Variants in TNFRSF11A observed in about 807,000 individuals in gnomAD.
TNFRSF11A encodes the protein TNF receptor superfamily member 11a, also known as tumor necrosis factor receptor superfamily member 11A.
Under a neutral mutation model 55.7 loss-of-function variants are expected in TNFRSF11A, and 32 were observed. That is an observed-to-expected ratio of 0.57 (90% CI 0.43 to 0.77). The LOEUF is 0.77. Ranked by LOEUF, TNFRSF11A falls within the 30% of genes least tolerant of loss-of-function variation. The pLI, the probability that TNFRSF11A is intolerant of heterozygous loss-of-function variation, is 0.00. For synonymous variants in TNFRSF11A, 311 were observed against 331.0 expected (o/e 0.94, Z 0.65); for missense variants, 753 against 809.8 (o/e 0.93, Z 0.85).
At chr18:62,366,064 T>A (rs956644040) in intron 7 of TNFRSF11A, among the ~76,000 whole-genome samples, 1 of 152,178 alleles carries the variant, frequency 6.6e-6, no homozygotes, top group African/African-American at 2.4e-5. Flanking sequence ...GTGATCCACC[T>A]GCCTTGGCCT....
chr18:62,342,808 A>T, intron 1 of TNFRSF11A, among the ~76,000 whole-genome samples: 1 of 152,254 alleles, frequency 6.6e-6, no homozygotes, highest in East Asian at 1.9e-4. Flanking sequence ...GAGAAAAAAG[A>T]CATTCAAAGA....
rs774147578 is a variant in TNFRSF11A, at chr18:62,361,670, T to G, written c.617-10T>G. 1 of 1,609,212 alleles carries G rather than the reference T, an allele frequency of 6.2e-7. No homozygotes were observed. Among genetic ancestry groups the G allele is most frequent in the South Asian group, 1.1e-5 (1 of 90,978 alleles). On this transcript the variant is annotated splice_polypyrimidine_tract_variant and intron_variant, in intron 6 of 9. Coordinates refer to ENST00000586569, the MANE Select transcript of TNFRSF11A (RefSeq NM_003839.4). ...TTTACTACCATATTTCTCATTTTCT[T>G]CCAATACAGAACCCCATGTTTACTT...
At chr18:62,338,255 C>T (rs941830446) in intron 1 of TNFRSF11A, among the ~76,000 whole-genome samples, 2 of 152,166 alleles carry the variant, frequency 1.3e-5, no homozygotes, top group Admixed American at 6.5e-5. Context: ...GCCACCCCTG[C>T]GGAAAACAGT....
intron 1 of TNFRSF11A, among the ~76,000 whole-genome samples, chr18:62,345,059 G>A (rs933293838): frequency 6.6e-6 from 1 of 152,242 alleles, no homozygotes; most frequent in African/African-American, 2.4e-5. Context: ...AGACAGGCTG[G>A]AGTGACAGAA....
At chr18:62,356,048 G>T (rs1318233452) in intron 4 of TNFRSF11A, among the ~76,000 whole-genome samples, 2 of 152,186 alleles carry the variant, frequency 1.3e-5, no homozygotes, top group Non-Finnish European at 2.9e-5. Context: ...TGAAAGTAAA[G>T]GAATAGAAAT....
Position 62,390,629 on chromosome 18 carries a change from T to C in TNFRSF11A, c.*5595T>C, listed in dbSNP as rs992510660. 3 of 152,226 alleles carry C rather than the reference T, an allele frequency of 2.0e-5. No homozygotes were observed. The highest frequency in any genetic ancestry group is 2.9e-5 in the Non-Finnish European group (2 of 68,036). 9.4% of individuals were successfully genotyped at this position (152,226 alleles called of 1,614,324 possible). A position where few individuals can be genotyped will look rare whatever the true frequency, so the allele number is the denominator to read the frequency against. ...CAAAGGCTGTATAGACTTTAAGTCG[T>C]GAGAAAAACGACATTCTTATGGTGA... On this transcript the variant is annotated 3_prime_UTR_variant, in exon 10 of 10. Transcript: ENST00000586569.
At position 62,358,267 on chromosome 18, in the gene TNFRSF11A, A is replaced by G. The variant is rs376113816; in HGVS notation, c.447A>G (p.Thr149=). The G allele has an allele frequency of 8.0e-5, 128 of 1,609,914 alleles. No homozygotes were observed. Among genetic ancestry groups the G allele is most frequent in the Non-Finnish European group, 9.3e-5 (110 of 1,179,012 alleles). The change falls in exon 5 of 10, where the codon ACA becomes ACG. Residue 149 remains threonine (T), a synonymous_variant. Transcript: ENST00000586569. ...TCACAGTGCAGCTCAACAAGGACAC[A>G]GTGTGCAAACCTTGCCTTGCAGGCT... ...AQHPLQLNKD[T]VCKPCLAGYF... is the part of the protein sequence containing the mutation.
At chr18:62,346,401 AG>A (rs2046384903) in intron 1 of TNFRSF11A, among the ~76,000 whole-genome samples, 1 of 152,224 alleles carries the variant, frequency 6.6e-6, no homozygotes, top group Non-Finnish European at 1.5e-5. Flanking sequence ...TCTAAAACAG[AG>A]AAAAGCATCT....
chr18:62,366,378 C>T (rs982924827), intron 7 of TNFRSF11A, among the ~76,000 whole-genome samples: 6 of 152,044 alleles, frequency 3.9e-5, no homozygotes, highest in Non-Finnish European at 7.4e-5. Flanking sequence ...AGATGTGGGT[C>T]GGAGGATACA....
At chr18:62,333,047 G>A (rs915018315) in intron 1 of TNFRSF11A, among the ~76,000 whole-genome samples, 1 of 152,196 alleles carries the variant, frequency 6.6e-6, no homozygotes, top group Non-Finnish European at 1.5e-5. Context: ...GGAAAAGAGA[G>A]CTGGAGGGAG....
chr18:62,363,365 CTTTTTTTT>C lies in TNFRSF11A; in HGVS notation c.730+1586_730+1593del, dbSNP rs386387923. Among the ~76,000 whole-genome samples, 5 of 106,798 alleles carry C rather than the reference CTTTTTTTT, an allele frequency of 4.7e-5. No individual in the cohort carries two copies. In the Admixed American group the frequency reaches 5.7e-4, roughly 12 times the overall value. 70.1% of individuals were successfully genotyped at this position (106,798 alleles called of 152,430 possible). ...AGTGAGCAATGTTTGAGTGATGACC[CTTTTTTTT>C]TTTTTTTTTTTTTGAGACAGAGTCT... is the stretch of plus-strand genomic sequence containing the variant. On this transcript the variant is annotated intron_variant, in intron 7 of 9. Transcript: ENST00000586569.
chr18:62,349,200 G>A (rs1217512197), intron 2 of TNFRSF11A, among the ~76,000 whole-genome samples: 2 of 148,904 alleles, frequency 1.3e-5, no homozygotes, highest in African/African-American at 5.0e-5. Flanking sequence ...TTTTTGAGAT[G>A]GGGTCTTGCT....
chr18:62,350,548 T>G (rs2046452617), intron 3 of TNFRSF11A, among the ~76,000 whole-genome samples: 1 of 152,150 alleles, frequency 6.6e-6, no homozygotes, highest in Admixed American at 6.6e-5. Context: ...CGCCTCGGCC[T>G]TCCAAAGTGC....
At chr18:62,356,703 C>T (rs539479396) in intron 4 of TNFRSF11A, among the ~76,000 whole-genome samples, 17 of 152,298 alleles carry the variant, frequency 1.1e-4, no homozygotes, top group African/African-American at 2.9e-4. Flanking sequence ...TGCTGGGAGG[C>T]GCAGGAACTC....
chr18:62,334,432 C>T (rs1056174960), intron 1 of TNFRSF11A, among the ~76,000 whole-genome samples: 12 of 152,164 alleles, frequency 7.9e-5, no homozygotes, highest in East Asian at 1.9e-4. Flanking sequence ...CATCTCTCCA[C>T]GCGTGTTCAT....
At position 62,364,898 on chromosome 18, in the gene TNFRSF11A, A is replaced by G. The variant is rs116210657; in HGVS notation, c.731-1810A>G. Reference sequence around the variant, plus strand: ...AAGTGCTCATTAGCTGTTACACTGAACTGTGATGATCTTCCCATGGAGAAC... The same window carrying G: ...AAGTGCTCATTAGCTGTTACACTGAGCTGTGATGATCTTCCCATGGAGAAC... On this transcript the variant is annotated intron_variant, in intron 7 of 9. Coordinates refer to ENST00000586569, the MANE Select transcript of TNFRSF11A (RefSeq NM_003839.4). Among the ~76,000 whole-genome samples the G allele has an allele frequency of 3.5e-3, 533 of 152,230 alleles. 3 individuals are homozygous for G. Among genetic ancestry groups the G allele is most frequent in the African/African-American group, 0.012 (513 of 41,522 alleles).
intron 2 of TNFRSF11A, 92 bp downstream of exon 2, chr18:62,348,341 T>C (rs1024373992): frequency 2.6e-6 from 3 of 1,155,238 alleles, no homozygotes; most frequent in Non-Finnish European, 3.9e-6. Flanking sequence ...AAAAAGAAAT[T>C]GGATAGACGC....
chr18:62,334,672 C>G (rs1332064272), intron 1 of TNFRSF11A, among the ~76,000 whole-genome samples: 1 of 152,210 alleles, frequency 6.6e-6, no homozygotes, highest in African/African-American at 2.4e-5. Flanking sequence ...TTTGACATGT[C>G]TCTACCATGG....
intron 1 of TNFRSF11A, among the ~76,000 whole-genome samples, chr18:62,339,105 A>G (rs1179384776): frequency 6.6e-6 from 1 of 152,032 alleles, no homozygotes; most frequent in Non-Finnish European, 1.5e-5. Flanking sequence ...TCTCATCCCA[A>G]CAGTCTTTAC....
Sources: gnomAD v4.1 joint callset for allele counts (sites outside exome capture counted in the v4.1 genomes callset) on GRCh38, gnomAD v4.1.1 for gene constraint, MANE v1.5 for transcripts, NCBI Gene and HGNC (gene_info 2026-07-23, HGNC 2026-07-21) for gene names.